Variants in MPDU1 observed in about 807,000 individuals in gnomAD.
The protein encoded by MPDU1 is mannose-P-dolichol utilization defect 1, also known as mannose-P-dolichol utilization defect 1 protein.
A neutral mutation model predicts 27.6 loss-of-function variants in MPDU1; 18 were observed. The ratio of observed to expected loss-of-function variants is 0.65; its 90% confidence interval spans 0.45 to 0.97. MPDU1 has a LOEUF of 0.97. Among genes scored for constraint, MPDU1 ranks in the 50% least tolerant of loss-of-function variants. MPDU1 has a pLI of 0.00. For synonymous variants in MPDU1, 142 were observed against 131.1 expected (o/e 1.08, Z -0.57); for missense variants, 279 against 297.4 (o/e 0.94, Z 0.46).
In MPDU1 at chr17:7,585,984, A is replaced by C. The variant is rs143646436; in HGVS notation, c.208A>C (p.Ser70Arg). The C allele has an allele frequency of 1.1e-5, 17 of 1,614,006 alleles. No homozygotes were observed. The highest frequency in any genetic ancestry group is 2.7e-5 in the African/African-American group (2 of 74,894). ...GGTGTTTAAAATCCTGGGAGCCAAGAGTGCTGAAGGGTTGAGTCTCCAGTC... is the reference window on the plus strand; with the variant it reads ...GGTGTTTAAAATCCTGGGAGCCAAGCGTGCTGAAGGGTTGAGTCTCCAGTC... ...PQVFKILGAKSAEGLSLQSVM... is the reference protein window; with the variant it reads ...PQVFKILGAKRAEGLSLQSVM... The change falls in exon 3 of 7, where the codon AGT becomes CGT. Residue 70 changes from serine to arginine, a missense_variant. Coordinates refer to ENST00000250124, the MANE Select transcript of MPDU1 (RefSeq NM_004870.4).
intron 5 of MPDU1, 70 bp from the exon 6 acceptor site, chr17:7,587,091 G>T: frequency 6.3e-7 from 1 of 1,577,654 alleles, no homozygotes; most frequent in South Asian, 1.1e-5. Context: ...CAAAGTGTGG[G>T]GGTGTTGTAC....
intron 1 of MPDU1, 126 bp from the exon 2 acceptor site, chr17:7,585,606 C>T: frequency 1.2e-6 from 1 of 867,612 alleles, no homozygotes; most frequent in Non-Finnish European, 1.9e-6. Context: ...CTCCGCCTCT[C>T]CTCCCCCCAA....
intron 3 of MPDU1, 48 bp from the exon 4 acceptor site, chr17:7,586,644 G>T: frequency 6.4e-7 from 1 of 1,551,022 alleles, no homozygotes. Context: ...GGCTTTCCCT[G>T]CCTCTTTCTA....
At chr17:7,584,013 G>A (rs1208059716) in intron 1 of MPDU1, 48 bp downstream of exon 1, 4 of 1,571,076 alleles carry the variant, frequency 2.5e-6, no homozygotes, top group African/African-American at 2.7e-5. Flanking sequence ...AGTGACCGTG[G>A]GCCCTTAGTC....
In MPDU1 at chr17:7,586,023, C is replaced by A; in HGVS notation, c.247C>A (p.Leu83Ile). ...GLSLQSVMLE[L>I]VALTGTMVYS... The stretch of plus-strand genomic sequence containing the variant: ...GAGTCTCCAGTCTGTAATGCTGGAG[C>A]TAGTGGCATTGACTGGGACCATGGT... The change falls in exon 3 of 7, where the codon CTA becomes ATA. Residue 83 changes from leucine to isoleucine, a missense_variant. Physicochemically the swap from Leu to Ile is conservative, Grantham distance 5. Transcript: ENST00000250124. The A allele has an allele frequency of 6.2e-7, 1 of 1,614,096 alleles. No individual in the cohort carries two copies. Among genetic ancestry groups the A allele is most frequent in the Non-Finnish European group, 8.5e-7 (1 of 1,180,008 alleles).
At position 7,586,957 on chromosome 17, in the gene MPDU1, G is replaced by T; in HGVS notation, c.447G>T (p.Thr149=). 6.2e-7 allele frequency: 1 copy of T among 1,610,528 alleles called. No homozygotes were observed. Among genetic ancestry groups the T allele is most frequent in the Non-Finnish European group, 8.5e-7 (1 of 1,179,086 alleles). ...TGCTGGTGCTTCTCTCACCTCTGAC[G>T]CCCTTGACTGTAGTCACCCTGCTCC... ...LVLLVLLSPL[T]PLTVVTLLQA... Residue 149 remains threonine (T), a synonymous_variant, in exon 5 of 7, where the codon ACG becomes ACT. Coordinates refer to ENST00000250124, the MANE Select transcript of MPDU1 (RefSeq NM_004870.4).
chr17:7,584,117 T>C (rs2071541789), intron 1 of MPDU1, 152 bp downstream of exon 1: 3 of 782,740 alleles, frequency 3.8e-6, no homozygotes, highest in Admixed American at 3.8e-5. Flanking sequence ...TGTCTCGGGC[T>C]CCTTAGAGGG....
At chr17:7,584,756 C>T (rs1032899987) in intron 1 of MPDU1, among the ~76,000 whole-genome samples, 1 of 152,178 alleles carries the variant, frequency 6.6e-6, no homozygotes, top group Non-Finnish European at 1.5e-5. Context: ...CTTTGGGAGG[C>T]CGAAGCGGGT....
chr17:7,584,058 CTGCCG>C (rs1176499164), intron 1 of MPDU1, 93 bp downstream of exon 1: 2 of 1,271,930 alleles, frequency 1.6e-6, no homozygotes, highest in Non-Finnish European at 1.1e-6. Flanking sequence ...ACGGCAGTGA[CTGCCG>C]CCATGCCGAG....
Position 7,586,730 on chromosome 17 carries a change from T to C in MPDU1, c.341T>C (p.Ile114Thr). 1 of 1,614,124 alleles carries C rather than the reference T, an allele frequency of 6.2e-7. No individual in the cohort carries two copies. Among genetic ancestry groups the C allele is most frequent in the Non-Finnish European group, 8.5e-7 (1 of 1,180,038 alleles). Residue 114 changes from isoleucine to threonine, a missense_variant, in exon 4 of 7, where the codon ATC becomes ACC. Transcript: ENST00000250124. ...GEALFLMLQT[I>T]TICFLVMHYR... is the part of the protein sequence containing the mutation. ...GCCTTATTCCTGATGCTCCAGACGA[T>C]CACCATCTGCTTCCTGGTCATGCAC...
chr17:7,585,857 C>G (rs2071574060), intron 2 of MPDU1, 60 bp downstream of exon 2: 1 of 1,611,602 alleles, frequency 6.2e-7, no homozygotes, highest in South Asian at 1.1e-5. Flanking sequence ...GAGAGGCCAT[C>G]AACTGTGTGG....
Position 7,584,475 on chromosome 17 carries a change from C to G in MPDU1, c.103+510C>G, listed in dbSNP as rs2071547326. 3.3e-5 allele frequency among the ~76,000 whole-genome samples: 5 copies of G among 152,214 alleles called. No individual in the cohort carries two copies. The South Asian group carries it at 1.0e-3, about 31-fold the overall frequency. ...CACCGTCAGACCGTTTGGGGAGCGT[C>G]AGTCTGCCCCTGTCAGTTCATGGTA... On this transcript the variant is annotated intron_variant, in intron 1 of 6. Transcript: ENST00000250124.
intron 1 of MPDU1, among the ~76,000 whole-genome samples, chr17:7,584,557 C>A (rs2071548567): frequency 6.6e-6 from 1 of 152,198 alleles, no homozygotes; most frequent in South Asian, 2.1e-4. Context: ...CCGTGAGAGT[C>A]AGACTCCCAC....
At chr17:7,585,830 G>A (rs745936568) in intron 2 of MPDU1, 33 bp downstream of exon 2, 7 of 1,613,610 alleles carry the variant, frequency 4.3e-6, no homozygotes, top group African/African-American at 1.3e-5. Flanking sequence ...CAGCTGTTGG[G>A]TTGGGGTGGA....
chr17:7,586,829 G>A (rs1229813075), intron 4 of MPDU1, 52 bp downstream of exon 4: 3 of 1,611,552 alleles, frequency 1.9e-6, no homozygotes, highest in African/African-American at 2.7e-5. Flanking sequence ...GAACCCTGCT[G>A]GGAACTCAGG....
upstream of MPDU1, chr17:7,583,685 C>A: frequency 2.6e-6 from 2 of 781,596 alleles, no homozygotes; most frequent in East Asian, 2.5e-5. Flanking sequence ...AAACGTGGTC[C>A]CTGACTGAGA....
At chr17:7,586,604 C>T in intron 3 of MPDU1, 88 bp from the exon 4 acceptor site, 1 of 1,143,078 alleles carries the variant, frequency 8.7e-7, no homozygotes, top group Non-Finnish European at 1.3e-6. Flanking sequence ...GTGATCAGAG[C>T]ATAGTGTCCC....
At chr17:7,584,911 T>C (rs561378414) in intron 1 of MPDU1, among the ~76,000 whole-genome samples, 27 of 152,142 alleles carry the variant, frequency 1.8e-4, no homozygotes, top group Admixed American at 1.8e-3. Context: ...GAGAATCGCT[T>C]AAACCCGGGA....
In MPDU1 at chr17:7,583,907, G is replaced by T. The variant is rs1257586701; in HGVS notation, c.45G>T (p.Pro15=). Residue 15 remains proline, a synonymous_variant, in exon 1 of 7, where the codon CCG becomes CCT. Transcript: ENST00000250124. ...ADGPLKRLLV[P]ILLPEKCYDQ... The stretch of plus-strand genomic sequence containing the variant: ...GACCGCTTAAACGGCTGCTCGTGCC[G>T]ATTCTTTTACCTGAGAAATGCTACG... The T allele has an allele frequency of 6.2e-7, 1 of 1,614,182 alleles. No individual in the cohort carries two copies. Among genetic ancestry groups the T allele is most frequent in the East Asian group, 2.2e-5 (1 of 44,882 alleles).
Sources: allele counts gnomAD v4.1 joint callset (sites outside exome capture counted in the v4.1 genomes callset), GRCh38; gene constraint gnomAD v4.1.1; transcripts MANE v1.5; gene names NCBI Gene and HGNC (gene_info 2026-07-23, HGNC 2026-07-21).